HDAC9: variants seen among roughly 807,000 people sequenced by gnomAD.
HDAC9 encodes MEF-2 interacting transcription repressor (MITR) protein.
In HDAC9, 41 loss-of-function variants were observed where a neutral mutation model predicts 139.4. The observed-to-expected ratio is 0.29, with a 90% CI of 0.23 to 0.38. The LOEUF is 0.38. HDAC9 is among the 10% of genes least tolerant of loss of function. HDAC9 has a pLI of 1.00. For missense variants in HDAC9, 1,147 were observed against 1,297.0 expected (o/e 0.88, Z 1.78); for synonymous variants, 517 against 476.2 (o/e 1.09, Z -1.12).
chr7:18,760,843 C>T (rs892788085), intron 14 of HDAC9, among the ~76,000 whole-genome samples: 2 of 152,200 alleles, frequency 1.3e-5, no homozygotes, highest in African/African-American at 4.8e-5. Flanking sequence ...GTTGTCCTGG[C>T]CTGCCCCTTC....
chr7:18,799,630 G>A (rs1182761605), intron 17 of HDAC9, among the ~76,000 whole-genome samples: 1 of 152,110 alleles, frequency 6.6e-6, no homozygotes, highest in South Asian at 2.1e-4. Flanking sequence ...TGAAAAACAC[G>A]ATAACTTAAA....
At chr7:18,351,944 T>C (rs779771656) in intron 1 of HDAC9, among the ~76,000 whole-genome samples, 4 of 152,190 alleles carry the variant, frequency 2.6e-5, no homozygotes, top group African/African-American at 4.8e-5. Flanking sequence ...TACAAGGTTA[T>C]CCACTATTGG....
At position 18,314,217 on chromosome 7, in the gene HDAC9, A is replaced by G. The variant is rs151309621; in HGVS notation, c.-42+23702A>G. On this transcript the variant is annotated intron_variant, in intron 1 of 3. Coordinates refer to the HDAC9 transcript ENST00000413509. ...GGAGGGATATGTGGGTGAGGAGGCC[A>G]TTGTATTCTAGAGATAGTAATAAGC... 2.7e-3 allele frequency among the ~76,000 whole-genome samples: 414 copies of G among 152,284 alleles called. 2 individuals are homozygous for G. Among genetic ancestry groups the G allele is most frequent in the Admixed American group, 4.7e-3 (72 of 15,294 alleles).
chr7:18,134,970 C>T (rs1312291179), intron 1 of HDAC9, among the ~76,000 whole-genome samples: 3 of 152,084 alleles, frequency 2.0e-5, no homozygotes, highest in African/African-American at 7.2e-5. Flanking sequence ...CGAATATTCA[C>T]TATAGATTTT....
intron 2 of HDAC9, among the ~76,000 whole-genome samples, chr7:18,211,658 G>A (rs1360463948): frequency 6.6e-6 from 1 of 152,170 alleles, no homozygotes; most frequent in African/African-American, 2.4e-5. Context: ...TCTGTGCCTG[G>A]ATAGAATGAC....
chr7:18,558,036 C>T (rs1398797637), intron 2 of HDAC9, among the ~76,000 whole-genome samples: 1 of 151,866 alleles, frequency 6.6e-6, no homozygotes, highest in African/African-American at 2.4e-5. Context: ...CCTTTGGGCC[C>T]CAAATACAGA....
At chr7:18,209,372 T>C (rs1460332509) in intron 2 of HDAC9, among the ~76,000 whole-genome samples, 2 of 152,226 alleles carry the variant, frequency 1.3e-5, no homozygotes, top group Non-Finnish European at 2.9e-5. Context: ...TAGTAAGTGC[T>C]AAATTTTGGC....
At chr7:18,991,467 C>T (rs895537140) in intron 25 of HDAC9, among the ~76,000 whole-genome samples, 2 of 152,212 alleles carry the variant, frequency 1.3e-5, no homozygotes, top group East Asian at 1.9e-4. Context: ...GAAACCCTGT[C>T]TCTACTAAAA....
At position 18,764,926 on chromosome 7, in the gene HDAC9, A is replaced by G. The variant is rs548306624; in HGVS notation, c.2165-2180A>G. Among the ~76,000 whole-genome samples the G allele has an allele frequency of 2.0e-5, 3 of 152,296 alleles. No homozygotes were observed. In the South Asian group the frequency reaches 6.2e-4, roughly 32 times the overall value. ...TTGAAAGACATCTATAGATGATAAAATAATTGGATTTGAAAATGAACATCA... is the reference window on the plus strand; with the variant it reads ...TTGAAAGACATCTATAGATGATAAAGTAATTGGATTTGAAAATGAACATCA... On this transcript the variant is annotated intron_variant, in intron 15 of 25. Transcript: ENST00000686413.
intron 13 of HDAC9, among the ~76,000 whole-genome samples, chr7:18,740,453 A>G (rs561815420): frequency 1.3e-5 from 2 of 152,324 alleles, no homozygotes; most frequent in East Asian, 1.9e-4. Flanking sequence ...GTTTTGGGGA[A>G]CCATGAACCA....
At chr7:18,990,867 C>A (rs536963457) in intron 25 of HDAC9, among the ~76,000 whole-genome samples, 15 of 152,358 alleles carry the variant, frequency 9.8e-5, no homozygotes, top group Admixed American at 5.2e-4. Context: ...GCCCCTTGTG[C>A]TTCCCAAGTG....
intron 2 of HDAC9, among the ~76,000 whole-genome samples, chr7:18,252,285 T>A (rs915441525): frequency 6.6e-6 from 1 of 152,180 alleles, no homozygotes; most frequent in Non-Finnish European, 1.5e-5. Context: ...AGGAATGGCC[T>A]GGAGAACTAC....
At position 18,397,946 on chromosome 7, in the gene HDAC9, C is replaced by T. The variant is rs550935118; in HGVS notation, c.-41-98316C>T. Among the ~76,000 whole-genome samples the T allele has an allele frequency of 1.4e-4, 22 of 152,244 alleles. No homozygotes were observed. The East Asian group carries it at 3.3e-3, about 23-fold the overall frequency. ...TGTCTGTGTATTTCATCCTAAGAAG[C>T]GGGAGCTGGCAAGATCCTGACCCTC... On this transcript the variant is annotated intron_variant, in intron 1 of 3. Coordinates refer to the HDAC9 transcript ENST00000413509.
intron 2 of HDAC9, among the ~76,000 whole-genome samples, chr7:18,279,551 TG>T (rs1346890339): frequency 1.3e-5 from 2 of 151,838 alleles, no homozygotes; most frequent in Non-Finnish European, 2.9e-5. Context: ...CTGCAACCTC[TG>T]CCTCCCGGGT....
rs919708975 is a variant in HDAC9, at chr7:18,466,769, G to A, written c.-41-29493G>A. On this transcript the variant is annotated intron_variant, in intron 1 of 3. Coordinates refer to the HDAC9 transcript ENST00000413509. ...ACACATTCAACGAAGTAAGACTAGGGGGGTGAAAATCATGTGGTCAAAAAT... is the reference window on the plus strand; with the variant it reads ...ACACATTCAACGAAGTAAGACTAGGAGGGTGAAAATCATGTGGTCAAAAAT... Among the ~76,000 whole-genome samples, 7 of 152,206 alleles carry A rather than the reference G, an allele frequency of 4.6e-5. No homozygotes were observed. In the East Asian group the frequency reaches 1.2e-3, roughly 25 times the overall value.
At chr7:18,708,060 G>A (rs1461950421) in intron 12 of HDAC9, among the ~76,000 whole-genome samples, 1 of 152,218 alleles carries the variant, frequency 6.6e-6, no homozygotes, top group Non-Finnish European at 1.5e-5. Context: ...GGTGGGATTA[G>A]CCTTGGCTAA....
intron 1 of HDAC9, among the ~76,000 whole-genome samples, chr7:18,445,473 A>T (rs76725231): frequency 0.035 from 5,348 of 152,324 alleles, 119 homozygotes; most frequent in African/African-American, 0.067. Flanking sequence ...AAAGTACTCA[A>T]AATTTAATGC....
At chr7:18,400,992 T>C (rs1787487039) in intron 1 of HDAC9, among the ~76,000 whole-genome samples, 1 of 152,220 alleles carries the variant, frequency 6.6e-6, no homozygotes, top group Non-Finnish European at 1.5e-5. Context: ...AGTTGTGGTA[T>C]AAAAACGCTT....
intron 17 of HDAC9, among the ~76,000 whole-genome samples, chr7:18,799,230 CACA>C (rs1367983602): frequency 1.3e-5 from 2 of 152,140 alleles, no homozygotes; most frequent in African/African-American, 2.4e-5. Context: ...ACAGATTTTA[CACA>C]ACGATTTCAC....
Sources: allele counts gnomAD v4.1 joint callset (sites outside exome capture counted in the v4.1 genomes callset), GRCh38; gene constraint gnomAD v4.1.1; transcripts MANE v1.5; gene names NCBI Gene and HGNC (gene_info 2026-07-23, HGNC 2026-07-21).